NOS1AP: variants seen among roughly 807,000 people sequenced by gnomAD.
The protein encoded by NOS1AP is carboxyl-terminal PDZ ligand of neuronal nitric oxide synthase protein.
NOS1AP carries 21 observed loss-of-function variants against 56.2 expected under a neutral mutation model. That is an observed-to-expected ratio of 0.37 (90% CI 0.26 to 0.54). The LOEUF (loss-of-function observed/expected upper bound fraction) is 0.54. NOS1AP is among the 20% of genes least tolerant of loss of function. The probability of loss-of-function intolerance (pLI) is 0.84; values close to 1 mark genes in which losing one functional copy is unlikely to be tolerated. For synonymous variants in NOS1AP, 270 were observed against 274.6 expected, an observed-to-expected ratio of 0.98 and a Z score of 0.17; for missense variants, 522 against 657.8, an observed-to-expected ratio of 0.79 and a Z score of 2.26.
chr1:162,115,162 C>G (rs1449357130), intron 1 of NOS1AP, among the ~76,000 whole-genome samples: 1 of 152,188 alleles, frequency 6.6e-6, no homozygotes, highest in East Asian at 1.9e-4. Flanking sequence ...TCTTTTGGAG[C>G]TTTACAAAAC....
chr1:162,083,147 C>T lies in NOS1AP; in HGVS notation c.105+12865C>T, dbSNP rs1558091158. On this transcript the variant is annotated intron_variant, in intron 1 of 9. Coordinates refer to ENST00000361897, the MANE Select transcript of NOS1AP (RefSeq NM_014697.3). ...TCCTGACCTCGTGATCCGCCCGCCT[C>T]GGCCTCCCAAAGTGCTGGGATTACA... Among the ~76,000 whole-genome samples, 2 of 658 alleles carry T rather than the reference C, an allele frequency of 3.0e-3. 1 individual carries two copies. The highest frequency in any genetic ancestry group is 3.1e-3 in the African/African-American group (2 of 646). 0.4% of individuals were successfully genotyped at this position (658 alleles called of 152,430 possible).
chr1:162,187,099 T>C (rs901527908), intron 2 of NOS1AP, among the ~76,000 whole-genome samples: 6 of 152,082 alleles, frequency 3.9e-5, no homozygotes, highest in Non-Finnish European at 8.8e-5. Context: ...CCGAAGTAGC[T>C]GGGACTATAG....
chr1:162,105,654 CA>C (rs1647475487), intron 1 of NOS1AP, among the ~76,000 whole-genome samples: 1 of 152,196 alleles, frequency 6.6e-6, no homozygotes, highest in South Asian at 2.1e-4. Context: ...AGGAATGGAT[CA>C]GGGTCCTGCT....
At position 162,152,503 on chromosome 1, in the gene NOS1AP, G is replaced by A. The variant is rs12023724; in HGVS notation, c.106-1902G>A. Among the ~76,000 whole-genome samples the A allele has an allele frequency of 2.6e-5, 4 of 152,336 alleles. No individual in the cohort carries two copies. The East Asian group carries it at 7.7e-4, about 29-fold the overall frequency. The stretch of plus-strand genomic sequence containing the variant: ...CCTAGCTCTGGGTCGCTGTCTTGTT[G>A]ACAGACTGTACCGCCTCAGCAGAGC... On this transcript the variant is annotated intron_variant, in intron 1 of 9. Coordinates refer to ENST00000361897, the MANE Select transcript of NOS1AP (RefSeq NM_014697.3).
intron 5 of NOS1AP, 85 bp from the exon 6 acceptor site, chr1:162,343,750 C>T: frequency 6.6e-7 from 1 of 1,518,320 alleles, no homozygotes; most frequent in Non-Finnish European, 9.1e-7. Flanking sequence ...TTTTCTGTCT[C>T]TTTCTTTGGC....
chr1:162,105,874 G>A (rs1245510560), intron 1 of NOS1AP, among the ~76,000 whole-genome samples: 3 of 152,256 alleles, frequency 2.0e-5, no homozygotes, highest in African/African-American at 4.8e-5. Flanking sequence ...GGAATTGCAA[G>A]CCAGTGGGTC....
chr1:162,099,788 C>T (rs961461870), intron 1 of NOS1AP, among the ~76,000 whole-genome samples: 4 of 152,140 alleles, frequency 2.6e-5, no homozygotes, highest in African/African-American at 9.6e-5. Context: ...CCCACTCCCC[C>T]GACCCCACAA....
Position 162,369,955 on chromosome 1 carries a change from T to G in NOS1AP, c.*2488T>G, listed in dbSNP as rs999447451. The G allele has an allele frequency of 6.6e-6, 1 of 152,568 alleles. No homozygotes were observed. The highest frequency in any genetic ancestry group is 1.5e-5 in the Non-Finnish European group (1 of 68,320). 9.5% of individuals were successfully genotyped at this position (152,568 alleles called of 1,614,324 possible). A position where few individuals can be genotyped will look rare whatever the true frequency, so the allele number is the denominator to read the frequency against. ...CTGATTTCCCGACGATGTCACCCTG[T>G]CCTCCCTCCTTGCTTCTTGCTCTGC... is the stretch of plus-strand genomic sequence containing the variant. On this transcript the variant is annotated 3_prime_UTR_variant, in exon 10 of 10. Transcript: ENST00000361897.
At chr1:162,360,376 C>T (rs950257165) in intron 8 of NOS1AP, among the ~76,000 whole-genome samples, 4 of 152,164 alleles carry the variant, frequency 2.6e-5, no homozygotes, top group Non-Finnish European at 4.4e-5. Flanking sequence ...TATAGCTAAG[C>T]CTCGAAGCGA....
intron 8 of NOS1AP, 64 bp from the exon 9 acceptor site, chr1:162,365,340 A>G (rs1468853660): frequency 3.1e-6 from 5 of 1,610,634 alleles, no homozygotes; most frequent in Non-Finnish European, 4.2e-6. Context: ...AGTGACTCTC[A>G]TGTGCATTCA....
At chr1:162,304,441 GT>G (rs1655751776) in intron 4 of NOS1AP, among the ~76,000 whole-genome samples, 1 of 152,124 alleles carries the variant, frequency 6.6e-6, no homozygotes, top group Non-Finnish European at 1.5e-5. Context: ...GGTAGTAATA[GT>G]CTTCTTTCTT....
chr1:162,277,058 G>A (rs1324312328), intron 2 of NOS1AP, among the ~76,000 whole-genome samples: 1 of 152,188 alleles, frequency 6.6e-6, no homozygotes, highest in Non-Finnish European at 1.5e-5. Flanking sequence ...CTGTGGACCA[G>A]TAGTGTCAGC....
intron 2 of NOS1AP, among the ~76,000 whole-genome samples, chr1:162,183,398 T>C (rs920178558): frequency 6.6e-6 from 1 of 152,218 alleles, no homozygotes; most frequent in African/African-American, 2.4e-5. Flanking sequence ...TTCAAAATAG[T>C]AAATGAGCAC....
At chr1:162,304,802 G>C (rs911352613) in intron 4 of NOS1AP, among the ~76,000 whole-genome samples, 2 of 151,702 alleles carry the variant, frequency 1.3e-5, no homozygotes, top group Non-Finnish European at 2.9e-5. Context: ...GTGTGTGTGT[G>C]TGTGTGTGTA....
intron 2 of NOS1AP, among the ~76,000 whole-genome samples, chr1:162,162,003 T>C (rs1650245490): frequency 6.6e-6 from 1 of 152,222 alleles, no homozygotes; most frequent in South Asian, 2.1e-4. Flanking sequence ...TCTTGGAATT[T>C]AGGAATGTAT....
chr1:162,297,099 G>T (rs1227326181), intron 3 of NOS1AP, among the ~76,000 whole-genome samples: 1 of 152,164 alleles, frequency 6.6e-6, no homozygotes, highest in African/African-American at 2.4e-5. Context: ...TAGCACAGTT[G>T]GCTTCCTCAG....
intron 1 of NOS1AP, among the ~76,000 whole-genome samples, chr1:162,071,756 G>A (rs1218928603): frequency 2.6e-5 from 4 of 152,084 alleles, no homozygotes; most frequent in Non-Finnish European, 5.9e-5. Context: ...GTGAGCAGAG[G>A]TTTTTATTTT....
At chr1:162,257,588 G>A (rs1172782553) in intron 2 of NOS1AP, among the ~76,000 whole-genome samples, 2 of 151,822 alleles carry the variant, frequency 1.3e-5, no homozygotes, top group Non-Finnish European at 2.9e-5. Context: ...GGCAGAGGTT[G>A]CAGTGAGCCG....
intron 2 of NOS1AP, among the ~76,000 whole-genome samples, chr1:162,184,857 T>G (rs1237087008): frequency 3.3e-5 from 5 of 152,180 alleles, no homozygotes; most frequent in Non-Finnish European, 1.5e-5. Flanking sequence ...ATCAATATAG[T>G]CTGTTTATTA....
Sources: gnomAD v4.1 joint callset for allele counts (sites outside exome capture counted in the v4.1 genomes callset) on GRCh38, gnomAD v4.1.1 for gene constraint, MANE v1.5 for transcripts, NCBI Gene and HGNC (gene_info 2026-07-23, HGNC 2026-07-21) for gene names.